STYXL1: variants seen among roughly 807,000 people sequenced by gnomAD.
STYXL1 encodes the protein serine/threonine/tyrosine interacting like 1.
STYXL1 carries 32 observed loss-of-function variants against 36.4 expected under a neutral mutation model. The ratio of observed to expected loss-of-function variants is 0.88; its 90% confidence interval spans 0.66 to 1.18. The LOEUF (loss-of-function observed/expected upper bound fraction) is 1.18, where lower values mean the gene tolerates loss of function less well. Ranked by LOEUF, STYXL1 falls within the 50% of genes most tolerant of loss-of-function variation. The pLI is 0.00. For missense variants in STYXL1, 354 were observed against 394.1 expected, an observed-to-expected ratio of 0.90 and a Z score of 0.86; for synonymous variants, 133 against 144.1, an observed-to-expected ratio of 0.92 and a Z score of 0.55.
chr7:76,030,575 TG>T, intron 1 of STYXL1, 48 bp from the exon 2 acceptor site: 1 of 1,130,064 alleles, frequency 8.8e-7, no homozygotes, highest in African/African-American at 1.5e-5. Flanking sequence ...CTATTTTAGA[TG>T]AATGACCACA....
At chr7:76,042,462 C>T (rs924646809) in intron 1 of STYXL1, among the ~76,000 whole-genome samples, 5 of 124,248 alleles carry the variant, frequency 4.0e-5, no homozygotes, top group Admixed American at 1.1e-4. Flanking sequence ...TGGAGTACAG[C>T]GGCGCGATCT....
At chr7:76,023,691 C>T (rs1001363947) in intron 3 of STYXL1, among the ~76,000 whole-genome samples, 6 of 151,934 alleles carry the variant, frequency 3.9e-5, no homozygotes, top group East Asian at 1.9e-4. Flanking sequence ...TGCATCACTG[C>T]GCTCCAGCCT....
At chr7:76,005,455 G>C (rs782265348) in intron 5 of STYXL1, 51 bp from the exon 6 acceptor site, 10 of 1,526,120 alleles carry the variant, frequency 6.6e-6, no homozygotes, top group Non-Finnish European at 8.1e-6. Flanking sequence ...TCAGGGAAGA[G>C]GGATGTCTAT....
chr7:76,031,690 G>A (rs1795352071), intron 1 of STYXL1, among the ~76,000 whole-genome samples: 1 of 149,798 alleles, frequency 6.7e-6, no homozygotes, highest in African/African-American at 2.5e-5. Flanking sequence ...ACTCCAGCCT[G>A]GGCTACAGAA....
chr7:76,013,076 G>C (rs1019871518), intron 5 of STYXL1, among the ~76,000 whole-genome samples: 5 of 152,178 alleles, frequency 3.3e-5, no homozygotes, highest in Non-Finnish European at 7.3e-5. Context: ...TGTGATCCCA[G>C]CACTTTGGAA....
In STYXL1 at chr7:76,047,992, C is replaced by G; in HGVS notation, c.-335G>C. 2 of 1,492,818 alleles carry G rather than the reference C, an allele frequency of 1.3e-6. No homozygotes were observed. Among genetic ancestry groups the G allele is most frequent in the Non-Finnish European group, 1.8e-6 (2 of 1,122,036 alleles). The allele number at this position is 1,492,818 out of a possible 1,614,324, so 92.5% of individuals were successfully genotyped here. ...GGTCCCACAGCTTTCCTTTCCGACT[C>G]CCGGAAGTGGCCGTGATCTCACGAG... is the stretch of plus-strand genomic sequence containing the variant. On this transcript the variant is annotated 5_prime_UTR_variant, in exon 1 of 9. Transcript: ENST00000359697.
chr7:76,005,488 A>C, intron 5 of STYXL1, 84 bp from the exon 6 acceptor site: 645 of 1,294,102 alleles, frequency 5.0e-4, no homozygotes, highest in Non-Finnish European at 6.3e-4. Context: ...AGCTCAGCAA[A>C]CGAGCGTAAA....
At chr7:76,022,678 C>T (rs1417072229) in intron 3 of STYXL1, among the ~76,000 whole-genome samples, 8 of 151,520 alleles carry the variant, frequency 5.3e-5, no homozygotes, top group African/African-American at 1.9e-4. Context: ...ACAACAACAA[C>T]AAGACAAAAA....
rs142991497 is a variant in STYXL1 at position 76,000,934 on chromosome 7, C to T, written c.766G>A (p.Ala256Thr). 1.4e-5 allele frequency: 23 copies of T among 1,614,008 alleles called. No homozygotes were observed. Among genetic ancestry groups the T allele is most frequent in the South Asian group, 2.2e-5 (2 of 91,090 alleles). ...CTATGCATGAGGTAGGCTATGATGG[C>T]GGCACAACTGCGGCTGATACCTTGG... Reference protein sequence around the residue: ...STQGISRSCAAIIAYLMHSNE... With the variant: ...STQGISRSCATIIAYLMHSNE... Residue 256 changes from alanine to threonine, a missense_variant, in exon 8 of 9, where the codon GCC becomes ACC. Transcript: ENST00000359697.
chr7:76,000,761 C>T, intron 8 of STYXL1, 129 bp downstream of exon 8: 1 of 728,120 alleles, frequency 1.4e-6, no homozygotes, highest in Non-Finnish European at 2.4e-6. Flanking sequence ...TGGGGAGCAC[C>T]CTAGACTTGG....
intron 1 of STYXL1, among the ~76,000 whole-genome samples, chr7:76,032,276 T>C (rs1554579581): frequency 2.0e-5 from 3 of 151,368 alleles, no homozygotes. Flanking sequence ...GGCACATGCC[T>C]GTGGCCCCAG....
intron 1 of STYXL1, among the ~76,000 whole-genome samples, chr7:76,030,850 T>TAAA (rs1160725857): frequency 0.043 from 2,438 of 57,070 alleles, 93 homozygotes; most frequent in Non-Finnish European, 0.063. Flanking sequence ...CCATCTCTAC[T>TAAA]AAAAAAAAAA....
intron 1 of STYXL1, among the ~76,000 whole-genome samples, chr7:76,040,466 G>A (rs534282012): frequency 7.9e-4 from 121 of 152,246 alleles, no homozygotes; most frequent in African/African-American, 2.8e-3. Flanking sequence ...AACACCTCCC[G>A]GTTGTTCTGC....
intron 3 of STYXL1, among the ~76,000 whole-genome samples, chr7:76,025,333 C>T (rs1226704294): frequency 2.0e-5 from 3 of 151,480 alleles, no homozygotes; most frequent in African/African-American, 7.3e-5. Flanking sequence ...AAAAAAAAAG[C>T]TATCAGTCTG....
intron 3 of STYXL1, among the ~76,000 whole-genome samples, chr7:76,023,742 G>A (rs1360273591): frequency 2.6e-5 from 4 of 151,858 alleles, no homozygotes; most frequent in African/African-American, 4.8e-5. Context: ...AAGGCCGGGC[G>A]CGGAGGCTCA....
At chr7:76,042,085 T>A (rs1796521657) in intron 1 of STYXL1, among the ~76,000 whole-genome samples, 1 of 152,188 alleles carries the variant, frequency 6.6e-6, no homozygotes, top group South Asian at 2.1e-4. Flanking sequence ...CATGTACGCA[T>A]GTGTGTGAGT....
At chr7:76,009,325 C>A (rs1477446444) in intron 5 of STYXL1, among the ~76,000 whole-genome samples, 3 of 151,006 alleles carry the variant, frequency 2.0e-5, no homozygotes, top group African/African-American at 7.3e-5. Context: ...GCCCCCGTCA[C>A]CCACGCCTAA....
chr7:76,023,282 G>A (rs989883589), intron 3 of STYXL1, among the ~76,000 whole-genome samples: 1 of 152,228 alleles, frequency 6.6e-6, no homozygotes, highest in African/African-American at 2.4e-5. Context: ...AGGCTGGACA[G>A]AGACACCTTT....
chr7:76,028,529 T>C (rs1467534443), intron 3 of STYXL1, 113 bp downstream of exon 3: 2 of 971,378 alleles, frequency 2.1e-6, no homozygotes, highest in East Asian at 5.2e-5. Flanking sequence ...GGTGGGCACA[T>C]AGAAAACAGT....
Sources: allele counts gnomAD v4.1 joint callset (sites outside exome capture counted in the v4.1 genomes callset), GRCh38; gene constraint gnomAD v4.1.1; transcripts MANE v1.5; gene names NCBI Gene and HGNC (gene_info 2026-07-23, HGNC 2026-07-21).